DPP3: variants seen among roughly 807,000 people sequenced by gnomAD.
The protein encoded by DPP3 is DPP III.
DPP3 carries 64 observed loss-of-function variants against 89.8 expected under a neutral mutation model. The ratio of observed to expected loss-of-function variants is 0.71; its 90% CI spans 0.58 to 0.88. The LOEUF (loss-of-function observed/expected upper bound fraction) is 0.88, where lower values mean the gene tolerates loss of function less well. Ranked by LOEUF, DPP3 falls within the 40% of genes least tolerant of loss-of-function variation. The pLI is 0.00. For missense variants in DPP3, 835 were observed against 972.5 expected (o/e 0.86, Z 1.88); for synonymous variants, 377 against 404.3 (o/e 0.93, Z 0.81).
intron 12 of DPP3, among the ~76,000 whole-genome samples, chr11:66,494,022 C>G (rs771040007): frequency 2.6e-5 from 4 of 152,138 alleles, no homozygotes; most frequent in Non-Finnish European, 5.9e-5. Flanking sequence ...AGGACAGACA[C>G]TTGGGGCAGG....
In DPP3 at chr11:66,492,870, C is replaced by T. The variant is rs371574227; in HGVS notation, c.1143C>T (p.Phe381=). The T allele has an allele frequency of 1.1e-5, 17 of 1,613,924 alleles. No individual in the cohort carries two copies. The African/African-American group carries it at 1.1e-4, about 10-fold the overall frequency. The change falls in exon 10 of 18, where the codon TTC becomes TTT. Residue 381 remains phenylalanine, a synonymous_variant. Coordinates refer to ENST00000531863, the MANE Select transcript of DPP3 (RefSeq NM_130443.4). ...TCACCTCCCTGGATGTTCTCACCTT[C>T]GCTGGCTCCGGCATCCCTGCCGGCA... The part of the protein sequence containing the change: ...PDFTSLDVLT[F]AGSGIPAGIN...
At position 66,489,318 on chromosome 11, in the gene DPP3, T is replaced by C. The variant is rs138176650; in HGVS notation, c.667+1311T>C. On this transcript the variant is annotated intron_variant, in intron 6 of 17. Transcript: ENST00000531863. ...TTCCCTATCTTCCCATAACTGAGTC[T>C]GTGCCCTTCTTTCTTCCCATCGGCA... Among the ~76,000 whole-genome samples the C allele has an allele frequency of 2.6e-5, 4 of 152,346 alleles. No individual in the cohort carries two copies. The East Asian group carries it at 7.7e-4, about 29-fold the overall frequency.
At chr11:66,491,889 A>G (rs150717987) in intron 9 of DPP3, 133 bp downstream of exon 9, 2 of 999,076 alleles carry the variant, frequency 2.0e-6, no homozygotes, top group Non-Finnish European at 3.1e-6. Flanking sequence ...CATGGTAAAT[A>G]AACACCGTTT....
intron 2 of DPP3, 62 bp downstream of exon 2, chr11:66,482,532 G>A: frequency 6.4e-7 from 1 of 1,573,472 alleles, no homozygotes; most frequent in Non-Finnish European, 8.6e-7. Flanking sequence ...AGACCAGGAT[G>A]CAAATGTCTG....
chr11:66,505,477 G>A lies in DPP3; in HGVS notation c.2041+703G>A, dbSNP rs1855776594. ...AGACTTTGGTGTCTTCATTCATAAA[G>A]GCAGTGTGGACTGCTTGCTGATGTT... On this transcript the variant is annotated intron_variant, in intron 17 of 17. Coordinates refer to ENST00000531863, the MANE Select transcript of DPP3 (RefSeq NM_130443.4). Among the ~76,000 whole-genome samples, 4 of 152,312 alleles carry A rather than the reference G, an allele frequency of 2.6e-5. No individual in the cohort carries two copies. The South Asian group carries it at 8.3e-4, about 32-fold the overall frequency.
intron 9 of DPP3, among the ~76,000 whole-genome samples, chr11:66,492,087 C>G (rs1289672620): frequency 1.3e-5 from 2 of 152,198 alleles, no homozygotes; most frequent in African/African-American, 4.8e-5. Flanking sequence ...GGCACAGGCT[C>G]CAGGTAGCCA....
chr11:66,501,950 C>T (rs967617071), intron 16 of DPP3, among the ~76,000 whole-genome samples: 2 of 151,912 alleles, frequency 1.3e-5, no homozygotes, highest in Admixed American at 6.6e-5. Context: ...GTAATCCCAG[C>T]ACTTTGGGAG....
At chr11:66,502,923 C>T (rs184028379) in intron 16 of DPP3, among the ~76,000 whole-genome samples, 7 of 151,310 alleles carry the variant, frequency 4.6e-5, no homozygotes, top group Admixed American at 2.0e-4. Flanking sequence ...ATATTCTTTA[C>T]GGTATACATA....
At chr11:66,485,420 C>T (rs1278561979) in intron 3 of DPP3, among the ~76,000 whole-genome samples, 158 bp downstream of exon 3, 1 of 152,208 alleles carries the variant, frequency 6.6e-6, no homozygotes, top group African/African-American at 2.4e-5. Flanking sequence ...TCACCAGCCT[C>T]ACTGGGTGCT....
intron 16 of DPP3, among the ~76,000 whole-genome samples, chr11:66,499,421 C>T (rs539272735): frequency 8.5e-5 from 13 of 152,120 alleles, no homozygotes; most frequent in African/African-American, 2.9e-4. Flanking sequence ...GGTTAGGCCC[C>T]GCTTATCCAC....
chr11:66,485,259 C>A lies in DPP3; in HGVS notation c.357C>A (p.Pro119=). ...FGDTKFVPNL[P]KEKLERVILG... is the part of the protein sequence containing the mutation. ...ACACCAAGTTTGTTCCCAACTTGCC[C>A]AAGGTGAGCCAAGGGAGGGTTGGGG... Residue 119 remains proline (P), a synonymous_variant, in exon 3 of 18, where the codon CCC becomes CCA. Coordinates refer to ENST00000531863, the MANE Select transcript of DPP3 (RefSeq NM_130443.4). 5 of 1,609,802 alleles carry A rather than the reference C, an allele frequency of 3.1e-6. No homozygotes were observed. Among genetic ancestry groups the A allele is most frequent in the Non-Finnish European group, 4.2e-6 (5 of 1,177,334 alleles).
intron 17 of DPP3, among the ~76,000 whole-genome samples, chr11:66,507,191 G>A (rs896864081): frequency 6.6e-6 from 1 of 152,078 alleles, no homozygotes; most frequent in Non-Finnish European, 1.5e-5. Flanking sequence ...AAGGGGGCCG[G>A]GCGCGGTGAC....
intron 2 of DPP3, chr11:66,483,031 TTA>T (rs756102013): frequency 0.18 from 26,579 of 144,904 alleles, 2,558 homozygotes; most frequent in Non-Finnish European, 0.2. Context: ...TTTTTATTTT[TTA>T]TTTTTTTTTT....
intron 10 of DPP3, 74 bp downstream of exon 10, chr11:66,492,984 A>C (rs1590738638): frequency 6.2e-7 from 1 of 1,601,284 alleles, no homozygotes; most frequent in East Asian, 2.2e-5. Flanking sequence ...CCACACACAC[A>C]CCCTCCACAA....
chr11:66,486,929 G>C (rs969470982), intron 4 of DPP3, among the ~76,000 whole-genome samples: 7 of 152,192 alleles, frequency 4.6e-5, no homozygotes, highest in Admixed American at 4.6e-4. Flanking sequence ...TGGAGGGAAG[G>C]AGAGGAAGGC....
In DPP3 at chr11:66,482,376, T is replaced by A; in HGVS notation, c.176T>A (p.Ile59Asn). 6.2e-7 allele frequency: 1 copy of A among 1,612,400 alleles called. No homozygotes were observed. The highest frequency in any genetic ancestry group is 8.5e-7 in the Non-Finnish European group (1 of 1,180,024). ...CAGACCTCCCCTGAGGCCCCCTACATCTATGCTCTGCTCAGCCGCCTCTTC... is the reference window on the plus strand; with the variant it reads ...CAGACCTCCCCTGAGGCCCCCTACAACTATGCTCTGCTCAGCCGCCTCTTC... ...LLQTSPEAPYIYALLSRLFRA... is the reference protein window; with the variant it reads ...LLQTSPEAPYNYALLSRLFRA... Residue 59 changes from isoleucine to asparagine, a missense_variant, in exon 2 of 18, where the codon ATC (isoleucine) becomes AAC (asparagine). Transcript: ENST00000531863.
chr11:66,508,840 TTGAC>T (rs1227733847), intron 17 of DPP3, among the ~76,000 whole-genome samples: 1 of 152,152 alleles, frequency 6.6e-6, no homozygotes, highest in Non-Finnish European at 1.5e-5. Flanking sequence ...CTTTATTTGA[TTGAC>T]TGAATGAACG....
intron 12 of DPP3, among the ~76,000 whole-genome samples, 183 bp from the exon 13 acceptor site, chr11:66,495,023 C>T (rs568764595): frequency 6.6e-6 from 1 of 152,206 alleles, no homozygotes; most frequent in African/African-American, 2.4e-5. Flanking sequence ...TCTGAGGAGG[C>T]AGCCAGCGTC....
intron 2 of DPP3, among the ~76,000 whole-genome samples, chr11:66,484,176 C>T (rs1437972479): frequency 6.6e-6 from 1 of 152,052 alleles, no homozygotes; most frequent in Non-Finnish European, 1.5e-5. Flanking sequence ...TGGGGTTTCA[C>T]CATGTTGGCC....
Sources: gnomAD v4.1 joint callset for allele counts (sites outside exome capture counted in the v4.1 genomes callset) on GRCh38, gnomAD v4.1.1 for gene constraint, MANE v1.5 for transcripts, NCBI Gene and HGNC (gene_info 2026-07-23, HGNC 2026-07-21) for gene names.